The following PFKM variants were observed in gnomAD, a reference collection of about 807,000 sequenced individuals.
PFKM encodes the protein ATP-dependent 6-phosphofructokinase, muscle type.
PFKM carries 58 observed loss-of-function variants against 95.5 expected under a neutral mutation model. The ratio of observed to expected loss-of-function variants is 0.61; its 90% CI spans 0.49 to 0.76. The LOEUF is 0.76. Among genes scored for constraint, PFKM ranks in the 30% least tolerant of loss-of-function variants. The pLI is 0.00. For synonymous variants in PFKM, 336 were observed against 357.2 expected (o/e 0.94, Z 0.67); for missense variants, 678 against 1,005.4 (o/e 0.67, Z 4.40).
Position 48,130,499 on chromosome 12 carries a change from C to T in PFKM, c.159+63C>T, listed in dbSNP as rs779324185. Reference sequence around the variant, plus strand: ...GTCTTCTTCTAAATCTGCCTTCTATCCCCTTCCCACATTCTGTGTCCTTAC... The same window carrying T: ...GTCTTCTTCTAAATCTGCCTTCTATTCCCTTCCCACATTCTGTGTCCTTAC... On this transcript the variant is annotated intron_variant, in intron 3 of 22. Coordinates refer to ENST00000359794, the MANE Select transcript of PFKM (RefSeq NM_000289.6). 155 of 1,216,276 alleles carry T rather than the reference C, an allele frequency of 1.3e-4. No homozygotes were observed. The Middle Eastern group carries it at 3.8e-3, about 30-fold the overall frequency. The allele number at this position is 1,216,276 out of a possible 1,614,324, so 75.3% of individuals were successfully genotyped here.
chr12:48,118,494 T>G (rs1431422163), upstream of PFKM: 2 of 1,490,762 alleles, frequency 1.3e-6, no homozygotes, highest in African/African-American at 2.8e-5. Flanking sequence ...TGTGCAGAGG[T>G]AGAGATACAA....
chr12:48,120,329 A>G (rs533943542), intron 1 of PFKM, among the ~76,000 whole-genome samples: 1 of 152,298 alleles, frequency 6.6e-6, no homozygotes, highest in South Asian at 2.1e-4. Context: ...TACATTTTTC[A>G]TATATTTGTA....
chr12:48,144,281 CATCATAG>C, intron 20 of PFKM, 124 bp downstream of exon 20: 2 of 731,354 alleles, frequency 2.7e-6, no homozygotes, highest in South Asian at 2.8e-5. Flanking sequence ...CTGTCAGTGC[CATCATAG>C]AGCATGGGCC....
At chr12:48,109,478 GT>G (rs1946999377) in intron 3 of PFKM, among the ~76,000 whole-genome samples, 1 of 151,986 alleles carries the variant, frequency 6.6e-6, no homozygotes, top group African/African-American at 2.4e-5. Context: ...CCAGCTGATG[GT>G]TTTTTCCTAT....
At chr12:48,122,653 G>A in intron 1 of PFKM, 114 bp from the exon 2 acceptor site, 6 of 1,555,454 alleles carry the variant, frequency 3.9e-6, no homozygotes, top group Non-Finnish European at 5.2e-6. Flanking sequence ...GCTCAGACTT[G>A]GTATAGTGGG....
rs1301983188 is a variant in PFKM, at chr12:48,130,424, C to T, written c.147C>T (p.Phe49=). Residue 49 remains phenylalanine (F), a synonymous_variant, in exon 3 of 23, where the codon TTC becomes TTT. Coordinates refer to ENST00000359794, the MANE Select transcript of PFKM (RefSeq NM_000289.6). ...GTATCTTCACCGGTGCCCGTGTCTT[C>T]TTTGTCCATGAGGTTGGTTCTGTAC... ...RVGIFTGARV[F]FVHEGYQGLV... 7 of 1,612,490 alleles carry T rather than the reference C, an allele frequency of 4.3e-6. No individual in the cohort carries two copies. Among genetic ancestry groups the T allele is most frequent in the Non-Finnish European group, 5.9e-6 (7 of 1,178,464 alleles).
Position 48,141,369 on chromosome 12 carries a change from T to C in PFKM, c.1400T>C (p.Leu467Pro). ...TGGACTGGCCAAGGTGGCTCTAAACTTGGGACTAAAAGGTAAGTAGCACTG... is the reference window on the plus strand; with the variant it reads ...TGGACTGGCCAAGGTGGCTCTAAACCTGGGACTAAAAGGTAAGTAGCACTG... ...GGWTGQGGSKLGTKRTLPKKS... is the reference protein window; with the variant it reads ...GGWTGQGGSKPGTKRTLPKKS... The change falls in exon 15 of 23, where the codon CTT becomes CCT. Residue 467 changes from leucine to proline, a missense_variant. By Grantham distance (98) the Leu-to-Pro change is moderately conservative. Transcript: ENST00000359794. The C allele has an allele frequency of 6.2e-7, 1 of 1,614,070 alleles. No homozygotes were observed. Among genetic ancestry groups the C allele is most frequent in the Non-Finnish European group, 8.5e-7 (1 of 1,179,958 alleles).
chr12:48,145,549 C>T lies in PFKM; in HGVS notation c.2199-15C>T. The T allele has an allele frequency of 6.2e-7, 1 of 1,613,926 alleles. No individual in the cohort carries two copies. Among genetic ancestry groups the T allele is most frequent in the Non-Finnish European group, 8.5e-7 (1 of 1,179,838 alleles). On this transcript the variant is annotated splice_polypyrimidine_tract_variant and intron_variant, in intron 22 of 22. Transcript: ENST00000359794. The surrounding 1 kb of genome is among the most constrained non-coding windows in gnomAD (Gnocchi z 4.3). ...GCTAAAAGATTATATCATCATCTAC[C>T]TCATTCCTCTGTAGGCATCGAATCC...
intron 9 of PFKM, 57 bp from the exon 10 acceptor site, chr12:48,135,234 G>A: frequency 1.4e-6 from 2 of 1,460,574 alleles, no homozygotes; most frequent in South Asian, 1.1e-5. Context: ...GTCTCTGCTT[G>A]TTTTCTTCCT....
At chr12:48,125,740 A>G (rs1489268092) in intron 2 of PFKM, among the ~76,000 whole-genome samples, 1 of 151,960 alleles carries the variant, frequency 6.6e-6, no homozygotes, top group Non-Finnish European at 1.5e-5. Context: ...ACCACAGGCC[A>G]TGTGCCACCA....
At chr12:48,106,436 G>C in intron 1 of PFKM, 1 of 419,226 alleles carries the variant, frequency 2.4e-6, no homozygotes, top group South Asian at 2.8e-5. Flanking sequence ...TTTCGCGGTG[G>C]CCCTAAATCT....
chr12:48,140,015 C>A (rs1257724989), intron 13 of PFKM, 103 bp downstream of exon 13: 48 of 750,768 alleles, frequency 6.4e-5, no homozygotes, highest in Non-Finnish European at 9.6e-6. Flanking sequence ...TTGCCAACTT[C>A]TCTGCCCCAC....
chr12:48,144,172 G>T lies in PFKM; in HGVS notation c.1992+15G>T. 6.6e-7 allele frequency: 1 copy of T among 1,524,626 alleles called. No individual in the cohort carries two copies. Among genetic ancestry groups the T allele is most frequent in the East Asian group, 2.2e-5 (1 of 44,464 alleles). 94.4% of individuals were successfully genotyped at this position (1,524,626 alleles called of 1,614,324 possible). ...ACATGCAGCAGGTAGGGAAGACACC[G>T]TAGTCATGCCCTTCATCAGACAGCC... On this transcript the variant is annotated intron_variant, in intron 20 of 22. Coordinates refer to ENST00000359794, the MANE Select transcript of PFKM (RefSeq NM_000289.6).
At chr12:48,108,376 TG>T (rs1353869614) in intron 3 of PFKM, among the ~76,000 whole-genome samples, 1 of 149,406 alleles carries the variant, frequency 6.7e-6, no homozygotes, top group Non-Finnish European at 1.5e-5. Flanking sequence ...GAAAGAGGGA[TG>T]GGGAGGGAAA....
intron 3 of PFKM, among the ~76,000 whole-genome samples, chr12:48,112,080 G>A (rs1419686886): frequency 1.3e-5 from 2 of 152,168 alleles, no homozygotes; most frequent in African/African-American, 4.8e-5. Context: ...CGCGGTCCTG[G>A]CTTATGTAAG....
At chr12:48,115,106 C>G (rs1341575976), upstream of PFKM, among the ~76,000 whole-genome samples, 1 of 152,108 alleles carries the variant, frequency 6.6e-6, no homozygotes, top group East Asian at 1.9e-4. Context: ...GACTTGCCAC[C>G]AAGGGAACAC....
At chr12:48,122,098 A>G (rs1011485802) in intron 1 of PFKM, among the ~76,000 whole-genome samples, 5 of 152,150 alleles carry the variant, frequency 3.3e-5, no homozygotes, top group African/African-American at 4.8e-5. Flanking sequence ...CCCAAAGACC[A>G]AGGATCAAGA....
chr12:48,110,016 A>G (rs1836557879), intron 3 of PFKM, among the ~76,000 whole-genome samples: 1 of 152,216 alleles, frequency 6.6e-6, no homozygotes, highest in South Asian at 2.1e-4. Flanking sequence ...CAGTAATCAC[A>G]CAATCACACA....
intron 3 of PFKM, among the ~76,000 whole-genome samples, chr12:48,114,060 C>G (rs1277631040): frequency 6.6e-6 from 1 of 152,170 alleles, no homozygotes; most frequent in Non-Finnish European, 1.5e-5. Flanking sequence ...CTAGCTATAT[C>G]TGGGGAATCG....
Sources: allele counts gnomAD v4.1 joint callset (sites outside exome capture counted in the v4.1 genomes callset), GRCh38; gene constraint gnomAD v4.1.1; non-coding constraint Gnocchi (gnomAD v3.1); transcripts MANE v1.5; gene names NCBI Gene and HGNC (gene_info 2026-07-23, HGNC 2026-07-21).